The following LEKR1 variants were observed in gnomAD, a reference collection of about 807,000 sequenced individuals.
LEKR1 encodes leucine, glutamate and lysine rich 1, also known as protein LEKR1.
LEKR1 carries 59 observed loss-of-function variants against 72.4 expected under a neutral mutation model. The observed-to-expected ratio is 0.82, with a 90% CI of 0.66 to 1.01. The LOEUF (loss-of-function observed/expected upper bound fraction) is 1.01. Among genes scored for constraint, LEKR1 ranks in the 50% least tolerant of loss-of-function variants. The probability of loss-of-function intolerance (pLI) is 0.00; values close to 1 mark genes in which losing one functional copy is unlikely to be tolerated. For missense variants in LEKR1, 728 were observed against 759.2 expected, an observed-to-expected ratio of 0.96 and a Z score of 0.48; for synonymous variants, 257 against 263.2, an observed-to-expected ratio of 0.98 and a Z score of 0.23.
intron 6 of LEKR1, among the ~76,000 whole-genome samples, chr3:156,946,210 A>G (rs1726664076): frequency 6.6e-6 from 1 of 151,312 alleles, no homozygotes; most frequent in Non-Finnish European, 1.5e-5. Context: ...AATTATTGTA[A>G]ATAGGATGAT....
chr3:157,024,885 C>A lies in LEKR1; in HGVS notation c.1329C>A (p.Ile443=). Residue 443 remains isoleucine (I), a synonymous_variant, in exon 11 of 13, where the codon ATC becomes ATA. Transcript: ENST00000356539. ...AAAAAGAAAAACACCAAGATGTAAT[C>A]CAAAAGTATAAGAAAGAACAAGAGG... ...DIEKEKHQDV[I]QKYKKEQEEL... The A allele has an allele frequency of 1.2e-6, 2 of 1,604,062 alleles. No homozygotes were observed. Among genetic ancestry groups the A allele is most frequent in the Non-Finnish European group, 1.7e-6 (2 of 1,173,312 alleles).
intron 9 of LEKR1, among the ~76,000 whole-genome samples, chr3:156,999,101 T>G (rs558896174): frequency 3.3e-5 from 5 of 152,126 alleles, no homozygotes; most frequent in Non-Finnish European, 7.3e-5. Flanking sequence ...GTGAAGAAGG[T>G]GTCTGCTTCT....
chr3:156,998,987 C>T (rs1248609329), intron 9 of LEKR1, among the ~76,000 whole-genome samples: 1 of 152,158 alleles, frequency 6.6e-6, no homozygotes, highest in African/African-American at 2.4e-5. Flanking sequence ...GGGGCAGTTA[C>T]TCCCATGCCA....
intron 6 of LEKR1, among the ~76,000 whole-genome samples, chr3:156,971,341 A>G (rs934591946): frequency 6.6e-6 from 1 of 152,230 alleles, no homozygotes; most frequent in African/African-American, 2.4e-5. Context: ...AAATTAATTC[A>G]AGATGGATTA....
At chr3:157,019,794 C>T (rs1029529491) in intron 10 of LEKR1, among the ~76,000 whole-genome samples, 1 of 152,120 alleles carries the variant, frequency 6.6e-6, no homozygotes, top group African/African-American at 2.4e-5. Flanking sequence ...ATAATGTACC[C>T]CTTAAGCAAA....
intron 12 of LEKR1, among the ~76,000 whole-genome samples, chr3:157,039,548 G>C (rs985242713): frequency 1.3e-5 from 2 of 152,198 alleles, no homozygotes; most frequent in South Asian, 2.1e-4. Context: ...GAGCCTCGGG[G>C]GTTGAGGCTA....
chr3:156,989,818 T>C (rs1731004434), intron 7 of LEKR1, among the ~76,000 whole-genome samples: 1 of 151,928 alleles, frequency 6.6e-6, no homozygotes, highest in African/African-American at 2.4e-5. Context: ...TCCCTCTCTC[T>C]CTGCACACAC....
intron 3 of LEKR1, among the ~76,000 whole-genome samples, chr3:156,864,020 T>A (rs762738047): frequency 3.3e-5 from 5 of 152,042 alleles, no homozygotes; most frequent in Non-Finnish European, 7.4e-5. Context: ...TTTGCCACAT[T>A]TTAAACTAAA....
intron 3 of LEKR1, among the ~76,000 whole-genome samples, chr3:156,908,746 A>G (rs1291986947): frequency 1.3e-5 from 2 of 151,134 alleles, no homozygotes; most frequent in East Asian, 4.0e-4. Context: ...GGGATTGGGT[A>G]TGTTCATTGT....
intron 6 of LEKR1, among the ~76,000 whole-genome samples, chr3:156,959,225 G>T (rs1346976441): frequency 6.6e-6 from 1 of 152,082 alleles, no homozygotes; most frequent in Non-Finnish European, 1.5e-5. Context: ...TCAAATAAGG[G>T]CAGACTGATA....
intron 3 of LEKR1, among the ~76,000 whole-genome samples, chr3:156,888,726 A>G (rs1720356834): frequency 6.6e-6 from 1 of 152,188 alleles, no homozygotes; most frequent in African/African-American, 2.4e-5. Flanking sequence ...TTCTTTGAAT[A>G]CTTGTCATCA....
chr3:156,859,880 A>G (rs13070271), intron 3 of LEKR1, among the ~76,000 whole-genome samples: 123,626 of 152,176 alleles, frequency 0.81, 50,557 homozygotes, highest in African/African-American at 0.9. Flanking sequence ...TCATTCAGTC[A>G]CCCTTCCCCT....
Position 156,940,556 on chromosome 3 carries a change from G to T in LEKR1, c.560-1973G>T, listed in dbSNP as rs138379620. Among the ~76,000 whole-genome samples, 732 of 152,280 alleles carry T rather than the reference G, an allele frequency of 4.8e-3. 4 individuals carry two copies. The highest frequency in any genetic ancestry group is 0.041 in the Middle Eastern group (12 of 294). On this transcript the variant is annotated intron_variant, in intron 5 of 12. Transcript: ENST00000356539. ...ATGGAATTGTATAATGGCAAGGGTA[G>T]AATTGAATCTTTGACCCAGGATTGC...
chr3:157,011,757 AT>A (rs938182987), intron 10 of LEKR1, among the ~76,000 whole-genome samples: 1 of 151,960 alleles, frequency 6.6e-6, no homozygotes, highest in Non-Finnish European at 1.5e-5. Context: ...ATGAAAAAGC[AT>A]TTTTTTTGCT....
intron 7 of LEKR1, among the ~76,000 whole-genome samples, chr3:156,987,128 G>C (rs1357783428): frequency 6.6e-6 from 1 of 151,872 alleles, no homozygotes; most frequent in African/African-American, 2.4e-5. Context: ...AGGTTTACTT[G>C]TAACAATTGA....
intron 3 of LEKR1, among the ~76,000 whole-genome samples, chr3:156,917,470 A>C (rs1299029531): frequency 2.0e-5 from 3 of 152,128 alleles, no homozygotes; most frequent in East Asian, 1.9e-4. Context: ...AAAAGTAAAA[A>C]ATTTTCTTTC....
At chr3:156,914,650 C>G (rs16826906) in intron 3 of LEKR1, among the ~76,000 whole-genome samples, 24,533 of 152,084 alleles carry the variant, frequency 0.16, 2,327 homozygotes, top group South Asian at 0.25. Flanking sequence ...GAGTTTCATG[C>G]AAGGTCCATA....
At chr3:156,862,193 T>G in intron 3 of LEKR1, among the ~76,000 whole-genome samples, 1 of 152,108 alleles carries the variant, frequency 6.6e-6, no homozygotes. Flanking sequence ...AAGGTACATT[T>G]TTTTTCTGCT....
At chr3:156,884,022 C>T (rs1719784309) in intron 3 of LEKR1, among the ~76,000 whole-genome samples, 1 of 152,148 alleles carries the variant, frequency 6.6e-6, no homozygotes, top group South Asian at 2.1e-4. Context: ...TTTACCATTA[C>T]ATAATGTCTC....
Sources: gnomAD v4.1 joint callset for allele counts (sites outside exome capture counted in the v4.1 genomes callset) on GRCh38, gnomAD v4.1.1 for gene constraint, MANE v1.5 for transcripts, NCBI Gene and HGNC (gene_info 2026-07-23, HGNC 2026-07-21) for gene names.